HCLS1: variants seen among roughly 807,000 people sequenced by gnomAD.
HCLS1 encodes the protein hematopoietic cell-specific Lyn substrate 1.
HCLS1 carries 44 observed loss-of-function variants against 68.6 expected under a neutral mutation model. The ratio of observed to expected loss-of-function variants is 0.64; its 90% CI spans 0.50 to 0.82. The LOEUF (loss-of-function observed/expected upper bound fraction) is 0.82, where lower values mean the gene tolerates loss of function less well. HCLS1 is among the 40% of genes least tolerant of loss of function. HCLS1 has a pLI of 0.00. For synonymous variants in HCLS1, 217 were observed against 225.8 expected, an observed-to-expected ratio of 0.96 and a Z score of 0.35; for missense variants, 602 against 612.1, an observed-to-expected ratio of 0.98 and a Z score of 0.17.
rs2049157680 is a variant in HCLS1 at position 121,637,191 on chromosome 3, C to T, written c.520G>A (p.Gly174Arg). The change falls in exon 7 of 14, where the codon GGA (glycine) becomes AGA (arginine). Residue 174 changes from glycine (G) to arginine (R), a missense_variant. Gly to Arg is a moderately radical substitution (Grantham distance 125). Transcript: ENST00000314583. Reference protein sequence around the residue: ...EKDKWDKAALGYDYKGETEKH... With the variant: ...EKDKWDKAALRYDYKGETEKH... ...TCCGTCTCTCCCTTGTAGTCATATC[C>T]CAGAGCTGCTTTGTCCCATTTATCC... The T allele has an allele frequency of 6.2e-7, 1 of 1,613,774 alleles. No individual in the cohort carries two copies. Among genetic ancestry groups the T allele is most frequent in the South Asian group, 1.1e-5 (1 of 91,040 alleles).
At chr3:121,639,534 TTGTTGTTGTTG>T (rs1560139270) in intron 6 of HCLS1, among the ~76,000 whole-genome samples, 26 of 151,248 alleles carry the variant, frequency 1.7e-4, no homozygotes, top group African/African-American at 5.3e-4. Flanking sequence ...TTATTTTTTG[TTGTTGTTGTTG>T]TTGTTGTTGT....
Position 121,631,921 on chromosome 3 carries a change from G to A in HCLS1, c.1386C>T (p.Asp462=), listed in dbSNP as rs149669324. The part of the protein sequence containing the change: ...DDVITDIEMV[D]EGWWRGRCHG... ...GGCAACGTCCCCGCCACCAGCCCTC[G>A]TCCACCATCTCAATGTCAGTGATTA... Residue 462 remains aspartate (D), a synonymous_variant, in exon 14 of 14, where the codon GAC becomes GAT. Transcript: ENST00000314583. 1,108 of 1,614,138 alleles carry A rather than the reference G, an allele frequency of 6.9e-4. 8 individuals are homozygous for A. The African/African-American group carries it at 0.013, about 18-fold the overall frequency.
At chr3:121,638,802 A>G (rs1281499397) in intron 6 of HCLS1, among the ~76,000 whole-genome samples, 1 of 152,244 alleles carries the variant, frequency 6.6e-6, no homozygotes, top group African/African-American at 2.4e-5. Context: ...TGCTCCAATG[A>G]TAAAAGAACA....
intron 7 of HCLS1, among the ~76,000 whole-genome samples, chr3:121,636,766 G>C (rs1372703979): frequency 6.6e-6 from 1 of 152,092 alleles, no homozygotes. Context: ...AATACAGAGA[G>C]CACTTCAGCC....
chr3:121,635,074 C>T (rs2049136001), intron 9 of HCLS1, among the ~76,000 whole-genome samples: 1 of 152,112 alleles, frequency 6.6e-6, no homozygotes, highest in Non-Finnish European at 1.5e-5. Context: ...GTGTTCTTCC[C>T]AAGTGGTTCC....
At position 121,657,322 on chromosome 3, in the gene HCLS1, C is replaced by T. The variant is rs747439010; in HGVS notation, c.115G>A (p.Gly39Arg). The T allele has an allele frequency of 3.1e-6, 5 of 1,613,930 alleles. No homozygotes were observed. In the South Asian group the frequency reaches 4.4e-5, roughly 14 times the overall value. The change falls in exon 3 of 14, where the codon GGA (glycine) becomes AGA (arginine). Residue 39 changes from glycine to arginine, a missense_variant. By Grantham distance (125) the Gly-to-Arg change is moderately radical. Coordinates refer to ENST00000314583, the MANE Select transcript of HCLS1 (RefSeq NM_005335.6). ...CCAGACCCCTCGATGGTCTTGGCTC[C>T]CCATCGTTGCTCCTTTTCAGAGATG... ...NDISEKEQRWGAKTIEGSGRT... is the reference protein window; with the variant it reads ...NDISEKEQRWRAKTIEGSGRT...
At chr3:121,655,975 A>G (rs575563664) in intron 3 of HCLS1, 1 of 151,678 alleles carries the variant, frequency 6.6e-6, no homozygotes, top group Non-Finnish European at 1.5e-5. Context: ...CGGCCTCCTG[A>G]GTAGCTGGGA....
intron 6 of HCLS1, among the ~76,000 whole-genome samples, chr3:121,638,898 A>G (rs1442431451): frequency 6.6e-6 from 1 of 152,130 alleles, no homozygotes; most frequent in Admixed American, 6.6e-5. Context: ...AGAAAAATGT[A>G]AAAAACCAGG....
chr3:121,632,927 T>A (rs748880168), intron 11 of HCLS1, 140 bp downstream of exon 11: 1 of 621,128 alleles, frequency 1.6e-6, no homozygotes, highest in Non-Finnish European at 2.9e-6. Context: ...GACAGAGGAG[T>A]TTCCCAGAAG....
Position 121,631,552 on chromosome 3 carries a change from C to A in HCLS1, c.*294G>T. 1 of 341,242 alleles carries A rather than the reference C, an allele frequency of 2.9e-6. No homozygotes were observed. 21.1% of individuals were successfully genotyped at this position (341,242 alleles called of 1,614,324 possible). On this transcript the variant is annotated 3_prime_UTR_variant, in exon 14 of 14. Coordinates refer to ENST00000314583, the MANE Select transcript of HCLS1 (RefSeq NM_005335.6). The stretch of plus-strand genomic sequence containing the variant: ...TTTCCCGGGTAAACAAACTGGGAAG[C>A]CCAGAGCTCACAGAGGAGGAGAGCA...
intron 9 of HCLS1, 73 bp from the exon 10 acceptor site, chr3:121,634,491 A>C (rs940013633): frequency 8.0e-6 from 11 of 1,367,128 alleles, no homozygotes; most frequent in African/African-American, 1.4e-5. Context: ...ACTTGAAGGA[A>C]GAAGGGGAAT....
rs368121558 is a variant in HCLS1 at position 121,639,025 on chromosome 3, G to GCACA, written c.455-1773_455-1770dup. Among the ~76,000 whole-genome samples the GCACA allele has an allele frequency of 6.0e-4, 82 of 137,226 alleles. 1 individual carries two copies. Among genetic ancestry groups the GCACA allele is most frequent in the South Asian group, 6.9e-4 (3 of 4,334 alleles). 90.0% of individuals were successfully genotyped at this position (137,226 alleles called of 152,430 possible). On this transcript the variant is annotated intron_variant, in intron 6 of 13. Transcript: ENST00000314583. Reference sequence around the variant, plus strand: ...GCAAGACTCCAACACACACACACACGCACACACACACACACACACACACAC... The same window carrying GCACA: ...GCAAGACTCCAACACACACACACACGCACACACACACACACACACACACACACAC...
intron 6 of HCLS1, among the ~76,000 whole-genome samples, chr3:121,639,743 T>C (rs1000573524): frequency 1.3e-5 from 2 of 152,194 alleles, no homozygotes; most frequent in African/African-American, 4.8e-5. Flanking sequence ...TTGTTGAATG[T>C]AGCAAATGTT....
chr3:121,657,280 T>G lies in HCLS1; in HGVS notation c.157A>C (p.Asn53His), dbSNP rs1273300183. ...TTCTCCAGTCCTTTCGGCACCTACT[T>G]GATGTGTTCTGTGCGTCCAGACCCC... ...IEGSGRTEHI[N>H]IHQLRNKVSE... Residue 53 changes from asparagine to histidine, a missense_variant and splice_region_variant, in exon 3 of 14, where the codon AAC becomes CAC. Transcript: ENST00000314583. 2.5e-6 allele frequency: 4 copies of G among 1,613,516 alleles called. No individual in the cohort carries two copies. The highest frequency in any genetic ancestry group is 3.4e-6 in the Non-Finnish European group (4 of 1,179,582).
At chr3:121,644,022 A>G (rs2049223793) in intron 5 of HCLS1, 1 of 152,710 alleles carries the variant, frequency 6.5e-6, no homozygotes, top group South Asian at 2.1e-4. Flanking sequence ...TCTAGAACTT[A>G]GCTGCCTTAG....
chr3:121,634,300 A>AGCCTT lies in HCLS1; in HGVS notation c.805_809dup (p.Val271ArgfsTer3). On this transcript the variant is annotated frameshift_variant, in exon 10 of 14. Coordinates refer to ENST00000314583, the MANE Select transcript of HCLS1 (RefSeq NM_005335.6). LOFTEE classifies it high-confidence loss of function. ...GAGCCTCAGGGCTCCTCTTTGTCAC[A>AGCCTT]GCCTTTCGCTCCTGTTGCCTCCTGG... 3 of 1,614,136 alleles carry AGCCTT rather than the reference A, an allele frequency of 1.9e-6. No individual in the cohort carries two copies. The highest frequency in any genetic ancestry group is 2.5e-6 in the Non-Finnish European group (3 of 1,180,030).
At chr3:121,632,623 A>G (rs2049111213) in intron 11 of HCLS1, 60 bp from the exon 12 acceptor site, 2 of 1,483,802 alleles carry the variant, frequency 1.3e-6, no homozygotes, top group Non-Finnish European at 1.9e-6. Context: ...TCAATGGAGG[A>G]CTGATAAGAT....
chr3:121,649,656 G>C (rs1229889231), intron 3 of HCLS1, among the ~76,000 whole-genome samples: 1 of 152,226 alleles, frequency 6.6e-6, no homozygotes, highest in Non-Finnish European at 1.5e-5. Context: ...ATAGAGGACA[G>C]CTAGAAGAGA....
intron 11 of HCLS1, 75 bp from the exon 12 acceptor site, chr3:121,632,638 C>A (rs540335181): frequency 7.7e-7 from 1 of 1,292,968 alleles, no homozygotes; most frequent in Non-Finnish European, 1.1e-6. Flanking sequence ...TAAGATCCCC[C>A]GCCCTTCACC....
Sources: allele counts gnomAD v4.1 joint callset (sites outside exome capture counted in the v4.1 genomes callset), GRCh38; gene constraint gnomAD v4.1.1; transcripts MANE v1.5; gene names NCBI Gene and HGNC (gene_info 2026-07-23, HGNC 2026-07-21).